NR3C1: variants seen among roughly 807,000 people sequenced by gnomAD.
NR3C1 encodes nuclear receptor subfamily 3 group C member 1, also known as glucocorticoid receptor.
Under a neutral mutation model 74.0 loss-of-function variants are expected in NR3C1, and 14 were observed. The ratio of observed to expected loss-of-function variants is 0.19; its 90% confidence interval spans 0.12 to 0.30. NR3C1 has a LOEUF of 0.30. NR3C1 is among the 10% of genes least tolerant of loss of function. The pLI, the probability that NR3C1 is intolerant of heterozygous loss-of-function variation, is 1.00. For missense variants in NR3C1, 695 were observed against 909.8 expected (o/e 0.76, Z 3.04); for synonymous variants, 308 against 332.5 (o/e 0.93, Z 0.80).
chr5:143,404,148 G>C (rs1044345116), upstream of NR3C1: 91 of 985,256 alleles, frequency 9.2e-5, 1 homozygote, highest in Admixed American at 1.2e-4. Context: ...GGGTGACAGC[G>C]GGCGGGCCAC....
chr5:143,377,587 CAT>C (rs769375133), intron 2 of NR3C1, among the ~76,000 whole-genome samples: 1 of 152,242 alleles, frequency 6.6e-6, no homozygotes, highest in Non-Finnish European at 1.5e-5. Context: ...AGAAAAAACA[CAT>C]GATTTATCTT....
chr5:143,398,361 T>G (rs1302252204), intron 2 of NR3C1, among the ~76,000 whole-genome samples: 2 of 150,318 alleles, frequency 1.3e-5, no homozygotes, highest in East Asian at 1.9e-4. Context: ...TTTTGGTTTT[T>G]TTTTTTTTTT....
rs948133556 is a variant in NR3C1 at position 143,305,735 on chromosome 5, G to C, written c.1468+4362C>G. On this transcript the variant is annotated intron_variant, in intron 4 of 8. Transcript: ENST00000394464. ...GAACAGACACTGGGAAATACAAGAGGGGGGATAGAGGAAGGGAGGCACAGG... is the reference window on the plus strand; with the variant it reads ...GAACAGACACTGGGAAATACAAGAGCGGGGATAGAGGAAGGGAGGCACAGG... Among the ~76,000 whole-genome samples the C allele has an allele frequency of 5.9e-5, 9 of 152,192 alleles. No homozygotes were observed. The South Asian group carries it at 6.2e-4, about 11-fold the overall frequency.
At chr5:143,344,146 A>G (rs374451019) in intron 2 of NR3C1, among the ~76,000 whole-genome samples, 1 of 152,190 alleles carries the variant, frequency 6.6e-6, no homozygotes, top group African/African-American at 2.4e-5. Context: ...ATATTTTGCT[A>G]TGGCTCATTT....
At chr5:143,434,149 C>G (rs1206700984) in intron 1 of NR3C1, among the ~76,000 whole-genome samples, 2 of 152,210 alleles carry the variant, frequency 1.3e-5, no homozygotes, top group Non-Finnish European at 2.9e-5. Context: ...CTTCTAGCCT[C>G]TCATTGTGTT....
chr5:143,295,639 C>T (rs1817007238), intron 6 of NR3C1, 49 bp from the exon 7 acceptor site: 1 of 1,500,782 alleles, frequency 6.7e-7, no homozygotes, highest in Admixed American at 1.7e-5. Context: ...TGCTACTTCC[C>T]CCCAAAAAGC....
At chr5:143,309,119 G>C (rs983601215) in intron 4 of NR3C1, among the ~76,000 whole-genome samples, 13 of 145,542 alleles carry the variant, frequency 8.9e-5, no homozygotes, top group Non-Finnish European at 7.4e-5. Flanking sequence ...CTGTCGCCAA[G>C]CTGGAGTACA....
intron 2 of NR3C1, among the ~76,000 whole-genome samples, chr5:143,343,374 G>C (rs966183663): frequency 3.3e-5 from 5 of 152,072 alleles, no homozygotes; most frequent in Non-Finnish European, 7.4e-5. Context: ...TAGTCTCCTC[G>C]GGACTTTCTA....
At chr5:143,423,856 A>C (rs1164467972) in intron 1 of NR3C1, among the ~76,000 whole-genome samples, 1 of 152,174 alleles carries the variant, frequency 6.6e-6, no homozygotes, top group African/African-American at 2.4e-5. Context: ...AGCCAGGCAC[A>C]GAAAGACAAA....
intron 2 of NR3C1, among the ~76,000 whole-genome samples, chr5:143,345,101 T>C (rs983956540): frequency 1.3e-5 from 2 of 152,140 alleles, no homozygotes; most frequent in African/African-American, 2.4e-5. Context: ...CACCCTACAA[T>C]GGGGTGGCGT....
chr5:143,322,293 G>A (rs1391498226), intron 2 of NR3C1, among the ~76,000 whole-genome samples: 1 of 152,206 alleles, frequency 6.6e-6, no homozygotes, highest in African/African-American at 2.4e-5. Context: ...ACCAACATCA[G>A]TGTTCTTAAG....
intron 2 of NR3C1, among the ~76,000 whole-genome samples, chr5:143,388,245 C>G (rs187406306): frequency 4.6e-5 from 7 of 152,260 alleles, no homozygotes; most frequent in Admixed American, 4.6e-4. Flanking sequence ...TATGTATACT[C>G]TCTGTATTCA....
At position 143,379,646 on chromosome 5, in the gene NR3C1, A is replaced by G. The variant is rs145581068; in HGVS notation, c.1184+20010T>C. On this transcript the variant is annotated intron_variant, in intron 2 of 8. Coordinates refer to ENST00000394464, the MANE Select transcript of NR3C1 (RefSeq NM_000176.3). Reference sequence around the variant, plus strand: ...ACTAGCCCCGTGATTTGCTTTGACCAATAGAATGTGGTAGAAATATAGTTG... The same window carrying G: ...ACTAGCCCCGTGATTTGCTTTGACCGATAGAATGTGGTAGAAATATAGTTG... Among the ~76,000 whole-genome samples, 155 of 152,314 alleles carry G rather than the reference A, an allele frequency of 1.0e-3. 3 individuals are homozygous for G. In the East Asian group the frequency reaches 0.022, roughly 22 times the overall value.
At chr5:143,424,059 T>TTGGGGGG (rs1554104653) in intron 1 of NR3C1, among the ~76,000 whole-genome samples, 2 of 108,678 alleles carry the variant, frequency 1.8e-5, no homozygotes, top group Non-Finnish European at 1.8e-5. Context: ...CTGGGGACTG[T>TTGGGGGG]TGTGGGGTGT....
upstream of NR3C1, among the ~76,000 whole-genome samples, chr5:143,408,594 A>G (rs796238751): frequency 5.9e-5 from 9 of 152,168 alleles, no homozygotes; most frequent in African/African-American, 2.2e-4. Flanking sequence ...CATGGGACCC[A>G]AGTCTAAATA....
At chr5:143,330,639 A>G (rs924030329) in intron 2 of NR3C1, among the ~76,000 whole-genome samples, 5 of 152,250 alleles carry the variant, frequency 3.3e-5, no homozygotes, top group Non-Finnish European at 2.9e-5. Context: ...CAGGAAACAG[A>G]AACTGCTGAG....
intron 1 of NR3C1, among the ~76,000 whole-genome samples, chr5:143,422,161 T>C (rs1323964041): frequency 6.6e-6 from 1 of 152,180 alleles, no homozygotes; most frequent in Admixed American, 6.5e-5. Flanking sequence ...TTACCTTCCA[T>C]AGAGTTTTAT....
Position 143,400,518 on chromosome 5 carries a change from C to T in NR3C1, c.322G>A (p.Gly108Ser). The T allele has an allele frequency of 1.2e-6, 2 of 1,614,184 alleles. No individual in the cohort carries two copies. The highest frequency in any genetic ancestry group is 1.7e-6 in the Non-Finnish European group (2 of 1,180,038). ...MGNDLGFPQQ[G>S]QISLSSGETD... Reference sequence around the variant, plus strand: ...TCCCCCGAGGAAAGGCTGATTTGGCCCTGCTGTGGGAATCCCAGGTCATTT... The same window carrying T: ...TCCCCCGAGGAAAGGCTGATTTGGCTCTGCTGTGGGAATCCCAGGTCATTT... The change falls in exon 2 of 9, where the codon GGC becomes AGC. Residue 108 changes from glycine (G) to serine (S), a missense_variant. By Grantham distance (56) the Gly-to-Ser change is moderately conservative (BLOSUM62 0). Transcript: ENST00000394464.
exon 1 of NR3C1, chr5:143,435,072 C>T (rs1184890502): frequency 4.1e-6 from 4 of 985,258 alleles, no homozygotes; most frequent in African/African-American, 3.5e-5. Context: ...TAATGGAAAC[C>T]AACATGTGAG....
Sources: allele counts gnomAD v4.1 joint callset (sites outside exome capture counted in the v4.1 genomes callset), GRCh38; gene constraint gnomAD v4.1.1; transcripts MANE v1.5; gene names NCBI Gene and HGNC (gene_info 2026-07-23, HGNC 2026-07-21).